Variants in EIPR1 observed in about 807,000 individuals in gnomAD.
The protein encoded by EIPR1 is EARP and GARP complex-interacting protein 1.
Under a neutral mutation model 48.1 loss-of-function variants are expected in EIPR1, and 25 were observed. That is an observed-to-expected ratio of 0.52 (90% confidence interval 0.38 to 0.73). The LOEUF (loss-of-function observed/expected upper bound fraction) is 0.73, where lower values mean the gene tolerates loss of function less well. Among genes scored for constraint, EIPR1 ranks in the 30% least tolerant of loss-of-function variants. EIPR1 has a pLI of 0.00. For synonymous variants in EIPR1, 204 were observed against 201.9 expected, an observed-to-expected ratio of 1.01 and a Z score of -0.09; for missense variants, 415 against 506.2, an observed-to-expected ratio of 0.82 and a Z score of 1.73.
Position 3,194,141 on chromosome 2 carries a change from G to C in EIPR1, c.679C>G (p.His227Asp), listed in dbSNP as rs1220312101. The C allele has an allele frequency of 1.2e-6, 2 of 1,613,750 alleles. No individual in the cohort carries two copies. Among genetic ancestry groups the C allele is most frequent in the Non-Finnish European group, 1.7e-6 (2 of 1,180,008 alleles). Residue 227 changes from histidine to aspartate, a missense_variant, in exon 7 of 9, where the codon CAC (histidine) becomes GAC (aspartate). Physicochemically the swap from His to Asp is moderately conservative, Grantham distance 81. Transcript: ENST00000382125. Reference sequence around the variant, plus strand: ...TCAAGGTCCCGCACCAGCTGTCCGTGGGCATTCTCTATGCAGTAGATCTGG... The same window carrying C: ...TCAAGGTCCCGCACCAGCTGTCCGTCGGCATTCTCTATGCAGTAGATCTGG... The part of the protein sequence containing the change: ...MSQIYCIENA[H>D]GQLVRDLDFN...
At chr2:3,290,483 C>A (rs1668333253) in intron 3 of EIPR1, among the ~76,000 whole-genome samples, 1 of 152,174 alleles carries the variant, frequency 6.6e-6, no homozygotes, top group South Asian at 2.1e-4. Flanking sequence ...AGAGAAAAAT[C>A]TTCTCCCTGA....
chr2:3,251,282 GT>G (rs1157116082), intron 4 of EIPR1, among the ~76,000 whole-genome samples: 1 of 152,178 alleles, frequency 6.6e-6, no homozygotes, highest in East Asian at 1.9e-4. Flanking sequence ...AGTAGCAGGG[GT>G]GTCAGCCACT....
At chr2:3,227,165 A>G (rs1022831099) in intron 4 of EIPR1, among the ~76,000 whole-genome samples, 1 of 124,558 alleles carries the variant, frequency 8.0e-6, no homozygotes, top group Non-Finnish European at 1.8e-5. Flanking sequence ...CTCAGAAGAC[A>G]GGAAAATGTG....
chr2:3,192,688 C>T, intron 7 of EIPR1, 107 bp from the exon 8 acceptor site: 1 of 1,142,618 alleles, frequency 8.8e-7, no homozygotes, highest in East Asian at 2.6e-5. Flanking sequence ...TCACGTTAGG[C>T]ACTGCCAGGC....
intron 3 of EIPR1, among the ~76,000 whole-genome samples, chr2:3,277,682 G>A (rs1340133349): frequency 1.3e-5 from 2 of 152,200 alleles, no homozygotes; most frequent in Non-Finnish European, 2.9e-5. Flanking sequence ...AAGGAGCCCG[G>A]GGCATGAGTG....
At chr2:3,339,620 G>A (rs1366369217) in intron 2 of EIPR1, among the ~76,000 whole-genome samples, 1 of 152,178 alleles carries the variant, frequency 6.6e-6, no homozygotes, top group Admixed American at 6.5e-5. Context: ...CCATCCTCAC[G>A]ACAGTGAATT....
chr2:3,202,785 C>T lies in EIPR1; in HGVS notation c.517-5768G>A, dbSNP rs549254472. 2.6e-5 allele frequency among the ~76,000 whole-genome samples: 4 copies of T among 152,308 alleles called. No homozygotes were observed. In the South Asian group the frequency reaches 8.3e-4, roughly 32 times the overall value. ...AGCAAAATGGAGCACCGCTTGCGTC[C>T]AAAACCCACGGGATAAAACACATCC... On this transcript the variant is annotated intron_variant, in intron 5 of 8. Coordinates refer to ENST00000382125, the MANE Select transcript of EIPR1 (RefSeq NM_003310.5).
intron 3 of EIPR1, among the ~76,000 whole-genome samples, chr2:3,301,761 G>C (rs1558284269): frequency 6.6e-6 from 1 of 152,220 alleles, no homozygotes; most frequent in Non-Finnish European, 1.5e-5. Context: ...AAAGTGACAA[G>C]TGGCAAGGGA....
intron 1 of EIPR1, among the ~76,000 whole-genome samples, chr2:3,364,380 C>T (rs141108550): frequency 0.014 from 2,178 of 152,144 alleles, 49 homozygotes; most frequent in African/African-American, 0.05. Flanking sequence ...CTATAATCCC[C>T]GCACTTTGGG....
rs562171976 is a variant in EIPR1, at chr2:3,311,941, G to A, written c.259+26076C>T. 3.9e-5 allele frequency among the ~76,000 whole-genome samples: 6 copies of A among 152,168 alleles called. No individual in the cohort carries two copies. The East Asian group carries it at 5.8e-4, about 15-fold the overall frequency. ...GTCCCCAGCCTCTGCTGAATCCTGC[G>A]GGAACCTGGACCTGGCCTTCTTTGG... On this transcript the variant is annotated intron_variant, in intron 3 of 8. Coordinates refer to ENST00000382125, the MANE Select transcript of EIPR1 (RefSeq NM_003310.5).
chr2:3,290,225 C>G (rs1389758334), intron 3 of EIPR1, among the ~76,000 whole-genome samples: 1 of 152,234 alleles, frequency 6.6e-6, no homozygotes, highest in Non-Finnish European at 1.5e-5. Context: ...ATGCAGCCCC[C>G]AGGCCTAGAA....
At chr2:3,190,611 C>G (rs1664572713) in intron 8 of EIPR1, among the ~76,000 whole-genome samples, 1 of 152,148 alleles carries the variant, frequency 6.6e-6, no homozygotes, top group Admixed American at 6.5e-5. Context: ...AAGACAACGC[C>G]AGCAGTCTTC....
intron 4 of EIPR1, among the ~76,000 whole-genome samples, chr2:3,230,631 C>T (rs1666213942): frequency 6.6e-6 from 1 of 152,108 alleles, no homozygotes; most frequent in African/African-American, 2.4e-5. Context: ...ATTGTGTATT[C>T]TTGGTATCTT....
chr2:3,375,189 A>G (rs1169202665), intron 1 of EIPR1, among the ~76,000 whole-genome samples: 15 of 138,660 alleles, frequency 1.1e-4, no homozygotes, highest in African/African-American at 4.0e-4. Flanking sequence ...ATGAGAACAC[A>G]TGGACACAGG....
chr2:3,336,840 AAGG>A (rs1670062379), intron 3 of EIPR1, among the ~76,000 whole-genome samples: 1 of 139,404 alleles, frequency 7.2e-6, no homozygotes, highest in African/African-American at 2.7e-5. Flanking sequence ...AGGGAAGGGA[AAGG>A]AAGGGAAAAG....
chr2:3,282,002 A>G (rs549768212), intron 3 of EIPR1, among the ~76,000 whole-genome samples: 2 of 152,362 alleles, frequency 1.3e-5, no homozygotes, highest in South Asian at 4.1e-4. Flanking sequence ...AGGATGCTTT[A>G]AAAGGGGCAC....
At chr2:3,309,347 T>G (rs1669049993) in intron 3 of EIPR1, among the ~76,000 whole-genome samples, 1 of 152,194 alleles carries the variant, frequency 6.6e-6, no homozygotes, top group South Asian at 2.1e-4. Flanking sequence ...TCTACAGAGT[T>G]GTATATTCAA....
chr2:3,229,655 T>G (rs1307933759), intron 4 of EIPR1, among the ~76,000 whole-genome samples: 3 of 152,274 alleles, frequency 2.0e-5, no homozygotes, highest in Non-Finnish European at 1.5e-5. Flanking sequence ...TAAGCAGTAT[T>G]CCATTAAGTG....
chr2:3,265,045 A>C (rs1667444647), intron 3 of EIPR1, among the ~76,000 whole-genome samples: 1 of 31,900 alleles, frequency 3.1e-5, no homozygotes, highest in South Asian at 1.4e-3. Context: ...CTAGTGTATG[A>C]AAAATTTACA....
Sources: allele counts gnomAD v4.1 joint callset (sites outside exome capture counted in the v4.1 genomes callset), GRCh38; gene constraint gnomAD v4.1.1; transcripts MANE v1.5; gene names NCBI Gene and HGNC (gene_info 2026-07-23, HGNC 2026-07-21).